The following DOCK8 variants were observed in gnomAD, a reference collection of about 807,000 sequenced individuals.
DOCK8 encodes dedicator of cytokinesis 8, also known as dedicator of cytokinesis protein 8.
In DOCK8, 141 loss-of-function variants were observed where a neutral mutation model predicts 245.6. That is an observed-to-expected ratio of 0.57 (90% confidence interval 0.50 to 0.66). DOCK8 has a LOEUF of 0.66. Among genes scored for constraint, DOCK8 ranks in the 30% least tolerant of loss-of-function variants. The pLI is 0.00. For synonymous variants in DOCK8, 1,168 were observed against 970.2 expected (o/e 1.20, Z -3.79); for missense variants, 2,965 against 2,603.4 (o/e 1.14, Z -3.02).
At chr9:406,502 A>T (rs996171533) in intron 27 of DOCK8, among the ~76,000 whole-genome samples, 1 of 151,226 alleles carries the variant, frequency 6.6e-6, no homozygotes, top group African/African-American at 2.4e-5. Flanking sequence ...AAAAAAAAAA[A>T]AAAAAAAAGA....
intron 1 of DOCK8, 54 bp from the exon 2 acceptor site, chr9:271,573 G>T: frequency 7.5e-7 from 1 of 1,331,756 alleles, no homozygotes; most frequent in Non-Finnish European, 1.1e-6. Flanking sequence ...ATCTAAAATT[G>T]TGATGATTTC....
intron 24 of DOCK8, among the ~76,000 whole-genome samples, chr9:390,833 T>C (rs1297449391): frequency 1.3e-5 from 2 of 152,212 alleles, no homozygotes; most frequent in Non-Finnish European, 2.9e-5. Context: ...CCTCTCGCAG[T>C]GACATCCTCT....
intron 1 of DOCK8, among the ~76,000 whole-genome samples, chr9:264,671 A>T (rs561978313): frequency 6.6e-6 from 1 of 152,314 alleles, no homozygotes; most frequent in South Asian, 2.1e-4. Flanking sequence ...ATATGTGTAG[A>T]TATATAGATA....
upstream of DOCK8, chr9:214,704 T>A: frequency 1.9e-6 from 3 of 1,560,204 alleles, no homozygotes; most frequent in Non-Finnish European, 2.6e-6. Flanking sequence ...TGCCCCAGTA[T>A]CGGGAGGCCA....
chr9:411,367 C>G (rs149541270), intron 28 of DOCK8, among the ~76,000 whole-genome samples: 1 of 152,016 alleles, frequency 6.6e-6, no homozygotes, highest in African/African-American at 2.4e-5. Flanking sequence ...GAGCCAAGAT[C>G]ATGCCAATGC....
intron 1 of DOCK8, among the ~76,000 whole-genome samples, chr9:216,123 C>T (rs529873492): frequency 7.2e-5 from 11 of 152,302 alleles, no homozygotes; most frequent in African/African-American, 2.6e-4. Context: ...CCACTTGATA[C>T]GTGACTGCCA....
At chr9:323,306 T>G (rs899454572) in intron 7 of DOCK8, among the ~76,000 whole-genome samples, 2 of 147,286 alleles carry the variant, frequency 1.4e-5, no homozygotes, top group African/African-American at 5.0e-5. Flanking sequence ...TCACTGCAAC[T>G]TCTGCCTCCC....
chr9:238,954 TC>T (rs1554644449), intron 1 of DOCK8, among the ~76,000 whole-genome samples: 2 of 126,916 alleles, frequency 1.6e-5, no homozygotes, highest in South Asian at 2.9e-4. Flanking sequence ...TCACACACAC[TC>T]TCACTGGGAC....
intron 14 of DOCK8, among the ~76,000 whole-genome samples, chr9:350,679 GTCC>G (rs1341886140): frequency 6.6e-6 from 1 of 152,212 alleles, no homozygotes; most frequent in Non-Finnish European, 1.5e-5. Context: ...TTAGTGGTTT[GTCC>G]TCACTTTGCG....
At chr9:224,886 A>C (rs937988156) in intron 1 of DOCK8, among the ~76,000 whole-genome samples, 1 of 152,182 alleles carries the variant, frequency 6.6e-6, no homozygotes. Flanking sequence ...GTTAACATAA[A>C]TGTTGTTTTA....
intron 18 of DOCK8, among the ~76,000 whole-genome samples, chr9:375,417 A>C (rs1291694206): frequency 6.6e-6 from 1 of 152,242 alleles, no homozygotes; most frequent in Non-Finnish European, 1.5e-5. Flanking sequence ...CCTGGCCTAG[A>C]AACATGTGGG....
rs2057268439 is a variant in DOCK8, at chr9:446,585, C to T, written c.5796C>T (p.Ile1932=). The T allele has an allele frequency of 1.2e-6, 2 of 1,614,084 alleles. No individual in the cohort carries two copies. Among genetic ancestry groups the T allele is most frequent in the Admixed American group, 1.7e-5 (1 of 60,006 alleles). The change falls in exon 44 of 48, where the codon ATC becomes ATT. Residue 1932 remains isoleucine, a synonymous_variant. Coordinates refer to ENST00000432829, the MANE Select transcript of DOCK8 (RefSeq NM_203447.4). ...CCTTCCCCTACATCAAGACCAGGAT[C>T]AGCGTCATCCAGAAGGAGGAGGTAA... ...MHAFPYIKTR[I]SVIQKEEFVL...
chr9:339,280 A>T (rs1420699007), intron 13 of DOCK8, among the ~76,000 whole-genome samples, 181 bp downstream of exon 13: 3 of 152,344 alleles, frequency 2.0e-5, no homozygotes, highest in Admixed American at 6.5e-5. Flanking sequence ...ATGTTTTTTT[A>T]ATTTTCTTAA....
At chr9:246,894 G>T (rs1168993087) in intron 1 of DOCK8, among the ~76,000 whole-genome samples, 1 of 151,988 alleles carries the variant, frequency 6.6e-6, no homozygotes, top group Non-Finnish European at 1.5e-5. Context: ...GGGACTATAG[G>T]CACACACCAC....
chr9:234,424 C>T (rs575721280), intron 1 of DOCK8, among the ~76,000 whole-genome samples: 3 of 152,238 alleles, frequency 2.0e-5, no homozygotes, highest in East Asian at 1.9e-4. Context: ...TCTGTATTTT[C>T]TGAATTTCAG....
chr9:450,933 G>A (rs1436438166), intron 45 of DOCK8, among the ~76,000 whole-genome samples: 8 of 151,420 alleles, frequency 5.3e-5, no homozygotes, highest in African/African-American at 1.9e-4. Flanking sequence ...TTTTAGAAAA[G>A]CAACTCAAAG....
rs182382178 is a variant in DOCK8 at position 399,800 on chromosome 9, T to G, written c.3234+541T>G. ...CCCCCAGATTTTTAAATGGAATTAT[T>G]CATGTGCTGTCTCCCTCAAACTACC... is the stretch of plus-strand genomic sequence containing the variant. On this transcript the variant is annotated intron_variant, in intron 26 of 47. Transcript: ENST00000432829. Among the ~76,000 whole-genome samples the G allele has an allele frequency of 2.3e-3, 352 of 152,078 alleles. 2 individuals carry two copies. The highest frequency in any genetic ancestry group is 1.7e-3 in the Non-Finnish European group (116 of 67,952).
intron 21 of DOCK8, 150 bp downstream of exon 21, chr9:380,085 G>A (rs1205367081): frequency 6.8e-6 from 4 of 586,202 alleles, no homozygotes; most frequent in African/African-American, 4.0e-5. Context: ...TGGCAGGATC[G>A]CTTGGAGCAG....
At chr9:431,950 G>T (rs1053398768) in intron 36 of DOCK8, among the ~76,000 whole-genome samples, 3 of 152,202 alleles carry the variant, frequency 2.0e-5, no homozygotes, top group African/African-American at 7.2e-5. Flanking sequence ...GAGCCTGACA[G>T]ATTTATGTGA....
Sources: gnomAD v4.1 joint callset for allele counts (sites outside exome capture counted in the v4.1 genomes callset) on GRCh38, gnomAD v4.1.1 for gene constraint, MANE v1.5 for transcripts, NCBI Gene and HGNC (gene_info 2026-07-23, HGNC 2026-07-21) for gene names.